IL1RAPL2: variants seen among roughly 807,000 people sequenced by gnomAD.
IL1RAPL2 encodes interleukin 1 receptor accessory protein like 2.
Under a neutral mutation model 44.1 loss-of-function variants are expected in IL1RAPL2, and 3 were observed. The ratio of observed to expected loss-of-function variants is 0.07; its 90% CI spans 0.03 to 0.18. IL1RAPL2 has a LOEUF of 0.18. Among genes scored for constraint, IL1RAPL2 ranks in the 10% least tolerant of loss-of-function variants. IL1RAPL2 has a pLI of 1.00. For missense variants in IL1RAPL2, 391 were observed against 496.4 expected (o/e 0.79, Z 2.02); for synonymous variants, 181 against 178.8 (o/e 1.01, Z -0.10).
At chrX:105,472,413 T>G (rs1182930665) in intron 5 of IL1RAPL2, among the ~76,000 whole-genome samples, 3 of 111,792 alleles carry the variant, frequency 2.7e-5, no homozygotes, top group African/African-American at 9.7e-5. Flanking sequence ...TCATGAGATT[T>G]GGATCCTACT....
intron 2 of IL1RAPL2, among the ~76,000 whole-genome samples, chrX:104,778,366 G>A (rs995451035): frequency 2.7e-5 from 3 of 110,296 alleles, no homozygotes; most frequent in South Asian, 3.8e-4. Flanking sequence ...TGATTCATAA[G>A]AATTATCTCC....
intron 2 of IL1RAPL2, among the ~76,000 whole-genome samples, chrX:104,905,929 C>T (rs1318249840): frequency 1.8e-5 from 2 of 110,257 alleles, no homozygotes; most frequent in Non-Finnish European, 3.8e-5. Context: ...ATTCTTCCTA[C>T]CCGTGAACAT....
At chrX:105,752,919 A>C (rs891122187) in intron 9 of IL1RAPL2, 3 of 328,554 alleles carry the variant, frequency 9.1e-6, no homozygotes, top group African/African-American at 8.0e-5. Flanking sequence ...TTCATCTTAA[A>C]GGGACACGAA....
intron 2 of IL1RAPL2, among the ~76,000 whole-genome samples, chrX:104,997,739 G>T (rs2030774634): frequency 9.0e-6 from 1 of 111,540 alleles, no homozygotes; most frequent in Non-Finnish European, 1.9e-5. Context: ...AGTTTCCAAA[G>T]AAATAAAGCT....
intron 2 of IL1RAPL2, among the ~76,000 whole-genome samples, chrX:105,129,982 G>C (rs1342950957): frequency 9.0e-6 from 1 of 110,964 alleles, no homozygotes; most frequent in Non-Finnish European, 1.9e-5. Flanking sequence ...TAATAATGAT[G>C]ATAATTCTGA....
At chrX:105,271,566 C>G (rs1033043106) in intron 5 of IL1RAPL2, among the ~76,000 whole-genome samples, 3 of 111,092 alleles carry the variant, frequency 2.7e-5, no homozygotes, top group Non-Finnish European at 1.9e-5. Flanking sequence ...AGAGAGTGAG[C>G]AACATAATGG....
chrX:105,517,879 TA>T (rs745694567), intron 6 of IL1RAPL2, among the ~76,000 whole-genome samples: 3 of 110,824 alleles, frequency 2.7e-5, no homozygotes, highest in Non-Finnish European at 3.8e-5. Context: ...AAAACACACT[TA>T]GGGGGTTGAG....
At chrX:105,075,566 TAGGG>T (rs1395425998) in intron 2 of IL1RAPL2, among the ~76,000 whole-genome samples, 14 of 112,123 alleles carry the variant, frequency 1.2e-4, no homozygotes, top group African/African-American at 4.5e-4. Flanking sequence ...TAAAATGAGT[TAGGG>T]AGGATTCCCT....
intron 1 of IL1RAPL2, among the ~76,000 whole-genome samples, chrX:104,621,055 G>A (rs1929388379): frequency 9.6e-6 from 1 of 104,394 alleles, no homozygotes; most frequent in South Asian, 4.0e-4. Context: ...CTGCTGATCT[G>A]TAATATATAT....
intron 6 of IL1RAPL2, among the ~76,000 whole-genome samples, chrX:105,625,861 A>C (rs773055088): frequency 1.8e-5 from 2 of 112,092 alleles, no homozygotes; most frequent in East Asian, 5.7e-4. Flanking sequence ...AGGCTTTTAA[A>C]AACTGCCTAC....
At chrX:105,638,318 T>A (rs1294867944) in intron 6 of IL1RAPL2, among the ~76,000 whole-genome samples, 1 of 110,948 alleles carries the variant, frequency 9.0e-6, no homozygotes, top group Non-Finnish European at 1.9e-5. Flanking sequence ...TCTTGCTGTT[T>A]GGGCAGATGG....
intron 6 of IL1RAPL2, among the ~76,000 whole-genome samples, chrX:105,588,929 T>C: frequency 8.9e-6 from 1 of 111,959 alleles, no homozygotes; most frequent in Non-Finnish European, 1.9e-5. Flanking sequence ...CTGTGTCAAA[T>C]TGTAGTTCTG....
chrX:105,225,983 A>G (rs1167342695), intron 3 of IL1RAPL2, among the ~76,000 whole-genome samples: 1 of 111,827 alleles, frequency 8.9e-6, no homozygotes, highest in Non-Finnish European at 1.9e-5. Context: ...TGGCCAGAGA[A>G]TAGCCTTAGA....
chrX:105,376,733 G>A (rs909279103), intron 5 of IL1RAPL2, among the ~76,000 whole-genome samples: 2 of 111,529 alleles, frequency 1.8e-5, no homozygotes, highest in Non-Finnish European at 3.8e-5. Context: ...ACTAGTTATT[G>A]ATTAAAGAGG....
chrX:105,408,864 T>C (rs748719466), intron 5 of IL1RAPL2, among the ~76,000 whole-genome samples: 1 of 64,015 alleles, frequency 1.6e-5, no homozygotes, highest in East Asian at 5.0e-4. Context: ...CATTAATAAA[T>C]GATATAAAGT....
intron 2 of IL1RAPL2, among the ~76,000 whole-genome samples, chrX:104,915,330 T>G (rs1314530356): frequency 9.0e-6 from 1 of 110,862 alleles, no homozygotes; most frequent in Admixed American, 9.6e-5. Context: ...TGATGAGCAT[T>G]TTTTCATGTG....
intron 5 of IL1RAPL2, among the ~76,000 whole-genome samples, chrX:105,392,262 C>T (rs1215290729): frequency 1.8e-5 from 2 of 110,811 alleles, no homozygotes; most frequent in South Asian, 3.8e-4. Flanking sequence ...AATCAGTTGT[C>T]CATTTAGGAC....
chrX:105,748,905 G>A, intron 8 of IL1RAPL2, 55 bp from the exon 9 acceptor site: 1 of 1,110,330 alleles, frequency 9.0e-7, no homozygotes, highest in African/African-American at 1.8e-5. Flanking sequence ...AATATGGGAA[G>A]ATCCCAAGTG....
chrX:105,218,869 C>CA, intron 3 of IL1RAPL2: 2 of 814,931 alleles, frequency 2.5e-6, no homozygotes, highest in Non-Finnish European at 3.6e-6. Context: ...CCTTCTTCCC[C>CA]TACCACCCCG....
Sources: allele counts gnomAD v4.1 joint callset (sites outside exome capture counted in the v4.1 genomes callset), GRCh38; gene constraint gnomAD v4.1.1; transcripts MANE v1.5; gene names NCBI Gene and HGNC (gene_info 2026-07-23, HGNC 2026-07-21).